The following TMCC2 variants were observed in gnomAD, a reference collection of about 807,000 sequenced individuals.
TMCC2 encodes the protein transmembrane and coiled-coil domains protein 2.
A neutral mutation model predicts 49.4 loss-of-function variants in TMCC2; 16 were observed. The observed-to-expected ratio is 0.32, with a 90% CI of 0.22 to 0.49. The LOEUF is 0.49. TMCC2 is among the 20% of genes least tolerant of loss of function. The pLI is 0.99. For missense variants in TMCC2, 762 were observed against 989.8 expected (o/e 0.77, Z 3.09); for synonymous variants, 397 against 434.1 (o/e 0.91, Z 1.06).
chr1:205,242,281 G>T (rs565010057), intron 2 of TMCC2, among the ~76,000 whole-genome samples: 92 of 152,282 alleles, frequency 6.0e-4, no homozygotes, highest in Non-Finnish European at 1.2e-3. Context: ...ATTGTGTTTT[G>T]CTCATGCTGA....
intron 2 of TMCC2, chr1:205,246,679 C>A (rs1307319217): frequency 5.2e-6 from 8 of 1,550,008 alleles, no homozygotes; most frequent in Non-Finnish European, 7.0e-6. Context: ...GCAGCCAGGC[C>A]CACCTCTCAT....
chr1:205,251,861 A>G (rs1660682939), intron 2 of TMCC2, among the ~76,000 whole-genome samples: 1 of 152,220 alleles, frequency 6.6e-6, no homozygotes, highest in African/African-American at 2.4e-5. Flanking sequence ...ACGTCAGCTC[A>G]TGGTATGCTC....
intron 1 of TMCC2, 59 bp downstream of exon 1, chr1:205,228,830 C>A (rs1030075654): frequency 6.6e-7 from 1 of 1,525,924 alleles, no homozygotes; most frequent in Non-Finnish European, 8.8e-7. Context: ...CGCCACCCCA[C>A]GCAGAAGTGC....
chr1:205,246,535 T>G, intron 2 of TMCC2: 1 of 1,527,582 alleles, frequency 6.5e-7, no homozygotes, highest in East Asian at 2.5e-5. Flanking sequence ...GGGAGAAGTC[T>G]GTTCTCAGAG....
chr1:205,248,338 G>A (rs959293313), intron 2 of TMCC2, among the ~76,000 whole-genome samples: 1 of 152,170 alleles, frequency 6.6e-6, no homozygotes, highest in African/African-American at 2.4e-5. Context: ...GAGCCCACGA[G>A]GTTGAAGCTG....
chr1:205,267,269 G>A (rs1201814817), intron 2 of TMCC2, among the ~76,000 whole-genome samples: 1 of 152,176 alleles, frequency 6.6e-6, no homozygotes, highest in Non-Finnish European at 1.5e-5. Flanking sequence ...GTTTGGCAGG[G>A]CTATTATTTT....
At chr1:205,236,358 A>G (rs1210854093) in intron 1 of TMCC2, 5 of 152,258 alleles carry the variant, frequency 3.3e-5, no homozygotes, top group Admixed American at 6.5e-5. Flanking sequence ...TAGACACAAG[A>G]AAAGGCTGTT....
chr1:205,228,898 T>C, intron 1 of TMCC2, 127 bp downstream of exon 1: 1 of 1,438,370 alleles, frequency 7.0e-7, no homozygotes, highest in South Asian at 1.4e-5. Flanking sequence ...GATGAGCGGA[T>C]GCTTTGCTGG....
At position 205,256,652 on chromosome 1, in the gene TMCC2, C is replaced by T. The variant is rs559310421; in HGVS notation, c.748-12298C>T. On this transcript the variant is annotated intron_variant, in intron 2 of 4. Transcript: ENST00000358024. Reference sequence around the variant, plus strand: ...TGGAAGTGATGGTGCCTTAAGCCAACGGGCAGGGCAGCAGGGAGAGGAGGA... The same window carrying T: ...TGGAAGTGATGGTGCCTTAAGCCAATGGGCAGGGCAGCAGGGAGAGGAGGA... Among the ~76,000 whole-genome samples the T allele has an allele frequency of 1.4e-4, 21 of 152,238 alleles. No individual in the cohort carries two copies. In the South Asian group the frequency reaches 3.7e-3, roughly 27 times the overall value.
intron 1 of TMCC2, among the ~76,000 whole-genome samples, chr1:205,240,594 A>G (rs1425123056): frequency 1.3e-5 from 2 of 152,320 alleles, no homozygotes; most frequent in South Asian, 2.1e-4. Context: ...GGTTTATTTC[A>G]TGCAACAAGA....
intron 1 of TMCC2, chr1:205,229,667 G>A (rs2102513413): frequency 1.0e-6 from 1 of 985,282 alleles, no homozygotes; most frequent in East Asian, 1.1e-4. Flanking sequence ...CCCCCAGGGT[G>A]GAGAACTGAC....
At chr1:205,270,658 T>TA (rs1225833350) in intron 3 of TMCC2, among the ~76,000 whole-genome samples, 2 of 152,256 alleles carry the variant, frequency 1.3e-5, no homozygotes, top group Non-Finnish European at 2.9e-5. Flanking sequence ...ACAGTCATCT[T>TA]ACGCTATTTT....
chr1:205,238,156 G>T (rs1049481251), intron 1 of TMCC2, among the ~76,000 whole-genome samples: 1 of 152,152 alleles, frequency 6.6e-6, no homozygotes, highest in African/African-American at 2.4e-5. Flanking sequence ...TTTCTGCTGC[G>T]TTGGCGGCTA....
At chr1:205,256,823 CTGTT>C (rs1660889555) in intron 2 of TMCC2, among the ~76,000 whole-genome samples, 1 of 152,112 alleles carries the variant, frequency 6.6e-6, no homozygotes, top group Non-Finnish European at 1.5e-5. Context: ...TGAGACTGCT[CTGTT>C]TGTGAGAGGA....
At chr1:205,265,974 G>T (rs1346821692) in intron 2 of TMCC2, among the ~76,000 whole-genome samples, 1 of 149,950 alleles carries the variant, frequency 6.7e-6, no homozygotes, top group Non-Finnish European at 1.5e-5. Context: ...GGGCGTGGTG[G>T]CTCAAGCCTG....
intron 2 of TMCC2, among the ~76,000 whole-genome samples, chr1:205,252,876 T>C (rs758997922): frequency 6.6e-6 from 1 of 151,414 alleles, no homozygotes; most frequent in Non-Finnish European, 1.5e-5. Context: ...ATCTCAGTGA[T>C]TTGGGAGGCC....
rs567637121 is a variant in TMCC2 at position 205,264,195 on chromosome 1, T to C, written c.748-4755T>C. 1.3e-5 allele frequency among the ~76,000 whole-genome samples: 2 copies of C among 152,350 alleles called. No individual in the cohort carries two copies. The highest frequency in any genetic ancestry group is 2.1e-4 in the South Asian group (1 of 4,830). On this transcript the variant is annotated intron_variant, in intron 2 of 4. Transcript: ENST00000358024. This position sits in a 1 kb window ranked among gnomAD's most constrained non-coding sequence, Gnocchi z 4.2. ...TGCTTAAGTCTCATACAGTAAATAG[T>C]GTAGTATTTGCATAGAACCTGCACA...
chr1:205,266,851 T>C (rs1179143239), intron 2 of TMCC2, among the ~76,000 whole-genome samples: 1 of 152,212 alleles, frequency 6.6e-6, no homozygotes. Flanking sequence ...TGAGAGTAGC[T>C]GTGATTACCC....
At chr1:205,230,207 CTG>C in intron 1 of TMCC2, 2 of 979,432 alleles carry the variant, frequency 2.0e-6, no homozygotes, top group Non-Finnish European at 2.4e-6. Context: ...TGTTACCTGT[CTG>C]TGTGCCTTGG....
Sources: gnomAD v4.1 joint callset for allele counts (sites outside exome capture counted in the v4.1 genomes callset) on GRCh38, gnomAD v4.1.1 for gene constraint, Gnocchi (gnomAD v3.1) non-coding constraint, MANE v1.5 for transcripts, NCBI Gene and HGNC (gene_info 2026-07-23, HGNC 2026-07-21) for gene names.